Variants in LATS2 observed in about 807,000 individuals in gnomAD.
The protein encoded by LATS2 is serine/threonine-protein kinase LATS2.
In LATS2, 24 loss-of-function variants were observed where a neutral mutation model predicts 76.0. That is an observed-to-expected ratio of 0.32 (90% confidence interval 0.23 to 0.44). The LOEUF (loss-of-function observed/expected upper bound fraction) is 0.44. Ranked by LOEUF, LATS2 falls within the 20% of genes least tolerant of loss-of-function variation. The probability of loss-of-function intolerance (pLI) is 1.00; values close to 1 mark genes in which losing one functional copy is unlikely to be tolerated. For synonymous variants in LATS2, 692 were observed against 635.4 expected (o/e 1.09, Z -1.34); for missense variants, 1,286 against 1,481.2 (o/e 0.87, Z 2.16).
Position 20,988,962 on chromosome 13 carries a change from G to A in LATS2, c.818C>T (p.Pro273Leu), listed in dbSNP as rs760814272. ...CGGCGGCGTCTTGCTCTGGAAGGAG[G>A]GGCTGCGCTGCACTCCGTAGCCCAG... Reference protein sequence around the residue: ...EPLGYGVQRSPSFQSKTPPET... With the variant: ...EPLGYGVQRSLSFQSKTPPET... Residue 273 changes from proline (P) to leucine (L), a missense_variant, in exon 4 of 8, where the codon CCC (proline) becomes CTC (leucine). This residue lies in a region of LATS2 where 710 missense variants were observed against 660.9 expected (regional missense o/e 1.07). Coordinates refer to ENST00000382592, the MANE Select transcript of LATS2 (RefSeq NM_014572.3). The A allele has an allele frequency of 1.1e-5, 17 of 1,538,170 alleles. No homozygotes were observed. The highest frequency in any genetic ancestry group is 2.7e-5 in the African/African-American group (2 of 73,116).
chr13:20,987,664 T>TC (rs1337850604), intron 4 of LATS2, among the ~76,000 whole-genome samples: 1 of 152,196 alleles, frequency 6.6e-6, no homozygotes, highest in Non-Finnish European at 1.5e-5. Context: ...TGCACAGCTA[T>TC]CTCTGATTCT....
At chr13:21,004,188 C>T (rs1019013116) in intron 2 of LATS2, among the ~76,000 whole-genome samples, 3 of 152,190 alleles carry the variant, frequency 2.0e-5, no homozygotes, top group Admixed American at 2.0e-4. Flanking sequence ...ACCAACCCAG[C>T]ACTTTGGGAA....
At chr13:20,999,633 A>T (rs916792712) in intron 2 of LATS2, among the ~76,000 whole-genome samples, 13 of 152,010 alleles carry the variant, frequency 8.6e-5, no homozygotes, top group South Asian at 4.2e-4. Flanking sequence ...TTTTTAAAAA[A>T]TTTTTTTGTA....
Position 20,991,107 on chromosome 13 carries a change from T to G in LATS2, c.475+165A>C, listed in dbSNP as rs1379423184. ...GGGGCTGCTCCCGCCAGGGCCTGAC[T>G]CTGTCAGGGCAGGGCAGGCTCAGCT... On this transcript the variant is annotated intron_variant, in intron 3 of 7. Coordinates refer to ENST00000382592, the MANE Select transcript of LATS2 (RefSeq NM_014572.3). This position sits in a 1 kb window ranked among gnomAD's most constrained non-coding sequence, Gnocchi z 4.9. 6.6e-6 allele frequency among the ~76,000 whole-genome samples: 1 copy of G among 152,220 alleles called. No individual in the cohort carries two copies. The highest frequency in any genetic ancestry group is 1.5e-5 in the Non-Finnish European group (1 of 68,030).
At chr13:21,039,934 G>A (rs936007879) in intron 2 of LATS2, among the ~76,000 whole-genome samples, 12 of 152,158 alleles carry the variant, frequency 7.9e-5, no homozygotes, top group African/African-American at 2.9e-4. Context: ...TTAGCTGGGC[G>A]TGGTGGCGCA....
rs754981700 is a variant in LATS2, at chr13:20,988,658, G to A, written c.1122C>T (p.Thr374=). Residue 374 remains threonine, a synonymous_variant, in exon 4 of 8, where the codon ACC becomes ACT. Transcript: ENST00000382592. ...TCTGCAGGGAGTCCCGGCGGGCCAG[G>A]GTGGCAGCCGGCCACTGCTGGACGG... The part of the protein sequence containing the change: ...STSVQQWPAA[T]LARRDSLQKP... The A allele has an allele frequency of 1.3e-6, 2 of 1,577,784 alleles. No homozygotes were observed. The highest frequency in any genetic ancestry group is 1.7e-6 in the Non-Finnish European group (2 of 1,171,598).
intron 5 of LATS2, 84 bp downstream of exon 5, chr13:20,983,140 A>C (rs1412620195): frequency 1.2e-5 from 11 of 883,176 alleles, no homozygotes; most frequent in African/African-American, 1.0e-4. Context: ...ATTAGGAGCC[A>C]CTAGGATGGG....
At chr13:21,060,518 G>T (rs1873600909) in intron 1 of LATS2, among the ~76,000 whole-genome samples, 3 of 152,182 alleles carry the variant, frequency 2.0e-5, no homozygotes, top group Non-Finnish European at 2.9e-5. Flanking sequence ...GCAGCCGGCC[G>T]GGAGACGCCG....
At chr13:20,992,520 G>A (rs1306488821) in intron 2 of LATS2, among the ~76,000 whole-genome samples, 1 of 152,134 alleles carries the variant, frequency 6.6e-6, no homozygotes, top group East Asian at 1.9e-4. Context: ...CCGCAGAGCT[G>A]TAGGCAAACA....
chr13:20,995,010 T>A (rs1457015528), intron 2 of LATS2, among the ~76,000 whole-genome samples: 1 of 152,146 alleles, frequency 6.6e-6, no homozygotes, highest in Admixed American at 6.5e-5. Context: ...ACACCTAGGT[T>A]CACCCCTCCC....
chr13:21,031,163 T>C (rs948938916), intron 2 of LATS2, among the ~76,000 whole-genome samples: 5 of 152,246 alleles, frequency 3.3e-5, no homozygotes, highest in Non-Finnish European at 7.3e-5. Flanking sequence ...TTAGCTTAAA[T>C]ATGATAGGCC....
At chr13:21,050,831 T>C (rs1469678436) in intron 1 of LATS2, among the ~76,000 whole-genome samples, 1 of 152,196 alleles carries the variant, frequency 6.6e-6, no homozygotes, top group Non-Finnish European at 1.5e-5. Context: ...AAGTTTTTTG[T>C]TTCTATATTA....
intron 5 of LATS2, among the ~76,000 whole-genome samples, chr13:20,982,130 A>G (rs375375919): frequency 9.2e-4 from 140 of 152,352 alleles, no homozygotes; most frequent in African/African-American, 3.0e-3. Context: ...GAGTTAGAGA[A>G]AAAAGACTAA....
At chr13:21,027,460 C>T (rs1039186302) in intron 2 of LATS2, among the ~76,000 whole-genome samples, 1 of 152,158 alleles carries the variant, frequency 6.6e-6, no homozygotes, top group African/African-American at 2.4e-5. Flanking sequence ...GCTGAAAAAA[C>T]AAACAAAAAC....
chr13:20,978,729 C>T (rs1455131022), intron 7 of LATS2, among the ~76,000 whole-genome samples: 2 of 152,116 alleles, frequency 1.3e-5, no homozygotes, highest in East Asian at 1.9e-4. Context: ...GATCCACTTT[C>T]AATTATTAAA....
intron 7 of LATS2, among the ~76,000 whole-genome samples, chr13:20,979,240 GT>G (rs1869763525): frequency 6.6e-6 from 1 of 152,222 alleles, no homozygotes; most frequent in Non-Finnish European, 1.5e-5. Flanking sequence ...TATTAGTAAA[GT>G]TTTTGGGGAG....
In LATS2 at chr13:20,988,334, C is replaced by G; in HGVS notation, c.1446G>C (p.Glu482Asp). The G allele has an allele frequency of 1.5e-6, 2 of 1,360,624 alleles. No individual in the cohort carries two copies. The highest frequency in any genetic ancestry group is 1.9e-6 in the Non-Finnish European group (2 of 1,035,702). 84.3% of individuals were successfully genotyped at this position (1,360,624 alleles called of 1,614,324 possible). The change falls in exon 4 of 8, where the codon GAG (glutamate) becomes GAC (aspartate). Residue 482 changes from glutamate to aspartate, a missense_variant. Around this residue, in one of 5 missense-constraint regions of LATS2, gnomAD observed 710 missense variants for 660.9 expected, o/e 1.07. Coordinates refer to ENST00000382592, the MANE Select transcript of LATS2 (RefSeq NM_014572.3). ...APAPAPAPAA[E>D]GLDAKEEHAL... is the part of the protein sequence containing the mutation. Reference sequence around the variant, plus strand: ...CATGCTCCTCCTTGGCGTCCAAGCCCTCCGCAGCCGGGGCGGGGGCGGGGG... The same window carrying G: ...CATGCTCCTCCTTGGCGTCCAAGCCGTCCGCAGCCGGGGCGGGGGCGGGGG...
At chr13:21,042,799 T>A (rs1872926426) in intron 2 of LATS2, among the ~76,000 whole-genome samples, 3 of 149,060 alleles carry the variant, frequency 2.0e-5, no homozygotes, top group Non-Finnish European at 4.4e-5. Flanking sequence ...CCATCCTGGC[T>A]AACACGAAAC....
At chr13:21,010,925 C>T (rs1345760114) in intron 2 of LATS2, among the ~76,000 whole-genome samples, 1 of 152,254 alleles carries the variant, frequency 6.6e-6, no homozygotes, top group African/African-American at 2.4e-5. Context: ...TGGACAGAAA[C>T]TTTATAAAAC....
Sources: gnomAD v4.1 joint callset for allele counts (sites outside exome capture counted in the v4.1 genomes callset) on GRCh38, gnomAD v4.1.1 for gene constraint, gnomAD v4.1.1 regional missense constraint, Gnocchi (gnomAD v3.1) non-coding constraint, MANE v1.5 for transcripts, NCBI Gene and HGNC (gene_info 2026-07-23, HGNC 2026-07-21) for gene names.